Variants in UNC13C observed in about 807,000 individuals in gnomAD.
UNC13C encodes protein unc-13 homolog C.
Under a neutral mutation model 245.4 loss-of-function variants are expected in UNC13C, and 174 were observed. That is an observed-to-expected ratio of 0.71 (90% CI 0.63 to 0.80). The LOEUF is 0.80. Among genes scored for constraint, UNC13C ranks in the 30% least tolerant of loss-of-function variants. The pLI is 0.00. For synonymous variants in UNC13C, 992 were observed against 895.1 expected (o/e 1.11, Z -1.93); for missense variants, 2,829 against 2,602.9 (o/e 1.09, Z -1.89).
chr15:54,491,473 T>G (rs199866115), intron 19 of UNC13C, among the ~76,000 whole-genome samples: 1 of 152,218 alleles, frequency 6.6e-6, no homozygotes, highest in Non-Finnish European at 1.5e-5. Context: ...ATATGCATAT[T>G]TGAGTGTTGT....
intron 4 of UNC13C, among the ~76,000 whole-genome samples, chr15:54,187,351 T>C (rs1159530302): frequency 6.6e-6 from 1 of 152,148 alleles, no homozygotes; most frequent in Non-Finnish European, 1.5e-5. Context: ...TTTCAAAATG[T>C]AATTATGATC....
intron 10 of UNC13C, among the ~76,000 whole-genome samples, chr15:54,279,806 G>A (rs1198576462): frequency 6.6e-6 from 1 of 152,124 alleles, no homozygotes; most frequent in African/African-American, 2.4e-5. Flanking sequence ...ATGTTTTTCT[G>A]TTCAGATAGG....
At chr15:54,579,707 C>A (rs1898118134) in intron 30 of UNC13C, among the ~76,000 whole-genome samples, 1 of 152,100 alleles carries the variant, frequency 6.6e-6, no homozygotes, top group Non-Finnish European at 1.5e-5. Flanking sequence ...TGCAGTGAGC[C>A]GAGATCACGC....
chr15:54,317,458 C>G (rs2038038474), intron 13 of UNC13C, among the ~76,000 whole-genome samples: 1 of 151,864 alleles, frequency 6.6e-6, no homozygotes, highest in Admixed American at 6.6e-5. Context: ...AAGATATTTG[C>G]TTAACCATCT....
intron 17 of UNC13C, among the ~76,000 whole-genome samples, chr15:54,367,958 T>A (rs1241749931): frequency 6.6e-6 from 1 of 152,104 alleles, no homozygotes; most frequent in African/African-American, 2.4e-5. Flanking sequence ...AAAACATAAC[T>A]CTGGAACTCA....
At chr15:54,098,318 GCA>G (rs1899984426) in intron 2 of UNC13C, among the ~76,000 whole-genome samples, 2 of 152,136 alleles carry the variant, frequency 1.3e-5, no homozygotes, top group African/African-American at 4.8e-5. Flanking sequence ...GGGATTACAG[GCA>G]AGTGCCACCA....
At chr15:54,561,893 G>T (rs1448608816) in intron 29 of UNC13C, among the ~76,000 whole-genome samples, 1 of 151,948 alleles carries the variant, frequency 6.6e-6, no homozygotes, top group Non-Finnish European at 1.5e-5. Flanking sequence ...AGATGGATAT[G>T]AGTGACACAA....
intron 1 of UNC13C, among the ~76,000 whole-genome samples, chr15:54,004,397 A>G (rs1219076220): frequency 1.3e-5 from 2 of 152,196 alleles, no homozygotes; most frequent in Non-Finnish European, 2.9e-5. Flanking sequence ...ACATTTATTT[A>G]TCCATTAATC....
intron 2 of UNC13C, among the ~76,000 whole-genome samples, chr15:54,040,373 T>C (rs1896760707): frequency 6.6e-6 from 1 of 152,136 alleles, no homozygotes; most frequent in South Asian, 2.1e-4. Flanking sequence ...GTGTGGTCTG[T>C]GAACCAGCAT....
the UNC13C span, chr15:53,913,951 A>C: frequency 6.6e-6 from 1 of 152,284 alleles, no homozygotes; most frequent in South Asian, 2.1e-4. Context: ...GGGCAATGTG[A>C]ACAGTAATCA....
chr15:53,946,697 T>A, the UNC13C span, among the ~76,000 whole-genome samples: 1 of 132,428 alleles, frequency 7.6e-6, no homozygotes, highest in African/African-American at 2.9e-5. Context: ...TTTTTTTTTT[T>A]AACATGACAG....
At chr15:54,383,035 A>C (rs1244485388) in intron 17 of UNC13C, among the ~76,000 whole-genome samples, 2 of 152,198 alleles carry the variant, frequency 1.3e-5, no homozygotes, top group Non-Finnish European at 2.9e-5. Flanking sequence ...AATGAGGAGC[A>C]ACATTGAATC....
chr15:54,369,858 C>T (rs144792958), intron 17 of UNC13C, among the ~76,000 whole-genome samples: 8 of 152,178 alleles, frequency 5.3e-5, no homozygotes, highest in Non-Finnish European at 7.4e-5. Flanking sequence ...TAACGCATCT[C>T]GCTTGTTTCT....
chr15:53,937,114 T>C, the UNC13C span, among the ~76,000 whole-genome samples: 1 of 152,040 alleles, frequency 6.6e-6, no homozygotes, highest in South Asian at 2.1e-4. Flanking sequence ...TCTAACCCAA[T>C]GCAAAGAAGC....
Position 54,015,246 on chromosome 15 carries a change from T to C in UNC13C, c.2343T>C (p.Ser781=). 1.9e-6 allele frequency: 3 copies of C among 1,613,390 alleles called. No individual in the cohort carries two copies. The highest frequency in any genetic ancestry group is 2.5e-6 in the Non-Finnish European group (3 of 1,179,708). ...SEDAPPKSWH[S]RLSIDLSDKT... Reference sequence around the variant, plus strand: ...ATGCCCCACCCAAATCATGGCATAGTCGATTAAGCATTGACCTTTCTGATA... The same window carrying C: ...ATGCCCCACCCAAATCATGGCATAGCCGATTAAGCATTGACCTTTCTGATA... Residue 781 remains serine (S), a synonymous_variant, in exon 2 of 33, where the codon AGT becomes AGC. Coordinates refer to ENST00000260323, the MANE Select transcript of UNC13C (RefSeq NM_001080534.3).
intron 10 of UNC13C, among the ~76,000 whole-genome samples, chr15:54,280,686 A>G (rs556028225): frequency 0.15 from 13,962 of 90,360 alleles, 796 homozygotes; most frequent in African/African-American, 0.25. Context: ...ATATATACAT[A>G]TATAAACATA....
chr15:54,173,071 C>T (rs186717065), intron 4 of UNC13C, among the ~76,000 whole-genome samples: 2 of 151,966 alleles, frequency 1.3e-5, no homozygotes, highest in East Asian at 3.9e-4. Context: ...TCTGAACTCT[C>T]TATCCTGTTC....
intron 2 of UNC13C, among the ~76,000 whole-genome samples, chr15:54,055,844 A>T (rs557086489): frequency 1.3e-5 from 2 of 152,302 alleles, no homozygotes; most frequent in South Asian, 4.1e-4. Context: ...TTTGCGTCCA[A>T]TGGGTACATT....
At chr15:53,864,044 T>C in the UNC13C span, among the ~76,000 whole-genome samples, 1 of 152,210 alleles carries the variant, frequency 6.6e-6, no homozygotes, top group Admixed American at 6.5e-5. Context: ...TCCTTGTACA[T>C]ACACTTTTTT....
Sources: allele counts gnomAD v4.1 joint callset (sites outside exome capture counted in the v4.1 genomes callset), GRCh38; gene constraint gnomAD v4.1.1; transcripts MANE v1.5; gene names NCBI Gene and HGNC (gene_info 2026-07-23, HGNC 2026-07-21).